The following CFTR variants were observed in gnomAD, a reference collection of about 807,000 sequenced individuals.
CFTR encodes cystic fibrosis transmembrane conductance regulator.
A neutral mutation model predicts 171.6 loss-of-function variants in CFTR; 181 were observed. That is an observed-to-expected ratio of 1.05 (90% CI 0.93 to 1.19). The LOEUF is 1.19. Among genes scored for constraint, CFTR ranks in the 50% most tolerant of loss-of-function variants. CFTR has a pLI of 0.00. For missense variants in CFTR, 1,968 were observed against 1,734.7 expected, an observed-to-expected ratio of 1.13 and a Z score of -2.39; for synonymous variants, 583 against 608.0, an observed-to-expected ratio of 0.96 and a Z score of 0.60.
chr7:117,540,756 CAG>C (rs1336410956), intron 8 of CFTR, among the ~76,000 whole-genome samples: 1 of 151,988 alleles, frequency 6.6e-6, no homozygotes, highest in African/African-American at 2.4e-5. Context: ...GTCACTGTGA[CAG>C]AAATAAAAAT....
chr7:117,652,180 T>C (rs1221389148), intron 23 of CFTR, among the ~76,000 whole-genome samples: 1 of 152,138 alleles, frequency 6.6e-6, no homozygotes, highest in African/African-American at 2.4e-5. Context: ...TGTGCAATGC[T>C]CCATGCAGGG....
rs138634146 is a variant in CFTR, at chr7:117,592,447, G to A, written c.2280G>A (p.Thr760=). 3.1e-5 allele frequency: 50 copies of A among 1,595,112 alleles called. 1 individual carries two copies. In the South Asian group the frequency reaches 4.2e-4, roughly 13 times the overall value. The change falls in exon 14 of 27, where the codon ACG becomes ACA. Residue 760 remains threonine (T), a synonymous_variant. Transcript: ENST00000003084. ...TCAGCGTGATCAGCACTGGCCCCACGCTTCAGGCACGAAGGAGGCAGTCTG... is the reference window on the plus strand; with the variant it reads ...TCAGCGTGATCAGCACTGGCCCCACACTTCAGGCACGAAGGAGGCAGTCTG... ...PRISVISTGP[T]LQARRRQSVL...
Position 117,667,138 on chromosome 7 carries a change from T to A in CFTR, c.*30T>A. The A allele has an allele frequency of 6.2e-7, 1 of 1,601,000 alleles. No individual in the cohort carries two copies. Among genetic ancestry groups the A allele is most frequent in the Non-Finnish European group, 8.6e-7 (1 of 1,169,522 alleles). ...CAGCATAAATGTTGACATGGGACAT[T>A]TGCTCATGGAATTGGAGCTCGTGGG... On this transcript the variant is annotated 3_prime_UTR_variant, in exon 27 of 27. Coordinates refer to ENST00000003084, the MANE Select transcript of CFTR (RefSeq NM_000492.4).
rs71314621 is a variant in CFTR, at chr7:117,566,248, AACACAC to A, written c.1584+6626_1584+6631del. ...CAGGAGTTCAAGACCAGCCTACTAA[AACACAC>A]ACACACACACACACACACACACACA... On this transcript the variant is annotated intron_variant, in intron 11 of 26. Coordinates refer to ENST00000003084, the MANE Select transcript of CFTR (RefSeq NM_000492.4). 6.8e-3 allele frequency among the ~76,000 whole-genome samples: 938 copies of A among 138,870 alleles called. 9 individuals are homozygous for A. Among genetic ancestry groups the A allele is most frequent in the African/African-American group, 0.023 (848 of 36,912 alleles). 91.1% of individuals were successfully genotyped at this position (138,870 alleles called of 152,430 possible). A position where few individuals can be genotyped will look rare whatever the true frequency, so the allele number is the denominator to read the frequency against.
intron 9 of CFTR, among the ~76,000 whole-genome samples, chr7:117,548,333 G>GGGGTGTGTGTGTGT (rs1554382502): frequency 6.9e-6 from 1 of 144,080 alleles, no homozygotes; most frequent in African/African-American, 2.6e-5. Flanking sequence ...AGGAGAAGAG[G>GGGGTGTGTGTGTGT]GTGTGTGTGT....
chr7:117,537,791 G>A (rs1440350069), intron 7 of CFTR, among the ~76,000 whole-genome samples: 1 of 152,196 alleles, frequency 6.6e-6, no homozygotes, highest in African/African-American at 2.4e-5. Flanking sequence ...ACAAGTTCTT[G>A]GGGGAATTGT....
chr7:117,653,207 T>G (rs1361968996), intron 24 of CFTR, among the ~76,000 whole-genome samples: 1 of 152,210 alleles, frequency 6.6e-6, no homozygotes, highest in Non-Finnish European at 1.5e-5. Flanking sequence ...GTGCACAACT[T>G]CAAAATGGAG....
chr7:117,619,983 C>T (rs1450739426), intron 21 of CFTR, among the ~76,000 whole-genome samples: 1 of 152,154 alleles, frequency 6.6e-6, no homozygotes, highest in Non-Finnish European at 1.5e-5. Context: ...AAAGGGGAAC[C>T]TGGCTTTTCT....
chr7:117,590,434 T>G lies in CFTR; in HGVS notation c.1761T>G (p.Phe587Leu). The change falls in exon 13 of 27, where the codon TTT becomes TTG. Residue 587 changes from phenylalanine to leucine, a missense_variant. Phe to Leu is a conservative substitution (Grantham distance 22). Transcript: ENST00000003084. ...ATGTTTTAACAGAAAAAGAAATATT[T>G]GAAAGGTATGTTCTTTGAATACCTT... ...YLDVLTEKEI[F>L]ESCVCKLMAN... 2 of 1,601,138 alleles carry G rather than the reference T, an allele frequency of 1.2e-6. No individual in the cohort carries two copies. Among genetic ancestry groups the G allele is most frequent in the Admixed American group, 1.7e-5 (1 of 59,600 alleles).
intron 10 of CFTR, among the ~76,000 whole-genome samples, chr7:117,551,157 G>T (rs1799263217): frequency 1.3e-5 from 2 of 152,128 alleles, no homozygotes; most frequent in Non-Finnish European, 2.9e-5. Flanking sequence ...CCAAAAATTG[G>T]GTGGGGGAGC....
chr7:117,633,973 T>A (rs769165342), intron 22 of CFTR, among the ~76,000 whole-genome samples: 6 of 152,132 alleles, frequency 3.9e-5, no homozygotes, highest in African/African-American at 4.8e-5. Flanking sequence ...GACATCTTTA[T>A]CTGCTTATGG....
At position 117,501,792 on chromosome 7, in the gene CFTR, A is replaced by C. The variant is rs199765577; in HGVS notation, c.54-2461A>C. Among the ~76,000 whole-genome samples, 13 of 149,932 alleles carry C rather than the reference A, an allele frequency of 8.7e-5. No individual in the cohort carries two copies. In the East Asian group the frequency reaches 2.4e-3, roughly 27 times the overall value. On this transcript the variant is annotated intron_variant, in intron 1 of 26. Transcript: ENST00000003084. ...AAAAAGAAACAAAAAAAAAAAAAAA[A>C]CAAAAAGCAAACAAACAAAAAAACA... is the stretch of plus-strand genomic sequence containing the variant.
chr7:117,598,164 T>C (rs1792166500), intron 15 of CFTR, among the ~76,000 whole-genome samples: 1 of 152,216 alleles, frequency 6.6e-6, no homozygotes, highest in Admixed American at 6.5e-5. Flanking sequence ...TATTTTAAAA[T>C]ACGGGTAGTT....
intron 11 of CFTR, among the ~76,000 whole-genome samples, chr7:117,578,559 T>A (rs1308025659): frequency 6.6e-6 from 1 of 152,072 alleles, no homozygotes; most frequent in African/African-American, 2.4e-5. Flanking sequence ...CCAACCCTCA[T>A]GTTGTCCAAG....
At chr7:117,600,364 T>G (rs1792205683) in intron 15 of CFTR, among the ~76,000 whole-genome samples, 1 of 152,068 alleles carries the variant, frequency 6.6e-6, no homozygotes. Context: ...AATAATACAT[T>G]AGGAAGCAGT....
rs546343983 is a variant in CFTR at position 117,538,874 on chromosome 7, C to T, written c.870-1226C>T. On this transcript the variant is annotated intron_variant, in intron 7 of 26. Transcript: ENST00000003084. ...GACCTAAATAGACGGAATTGCAATC[C>T]GGGTTGGGCACATTAAACTCCATTT... 6.6e-5 allele frequency among the ~76,000 whole-genome samples: 10 copies of T among 152,284 alleles called. No individual in the cohort carries two copies. The East Asian group carries it at 7.7e-4, about 12-fold the overall frequency.
chr7:117,566,250 C>A (rs749187605), intron 11 of CFTR, among the ~76,000 whole-genome samples: 5 of 97,700 alleles, frequency 5.1e-5, no homozygotes, highest in Non-Finnish European at 8.8e-5. Context: ...CCTACTAAAA[C>A]ACACACACAC....
At chr7:117,552,381 T>C (rs1799287436) in intron 10 of CFTR, among the ~76,000 whole-genome samples, 1 of 152,176 alleles carries the variant, frequency 6.6e-6, no homozygotes, top group Non-Finnish European at 1.5e-5. Context: ...AAATATCACT[T>C]CTAGGTTTAA....
intron 23 of CFTR, among the ~76,000 whole-genome samples, chr7:117,647,714 T>G (rs1793015787): frequency 6.6e-6 from 1 of 151,058 alleles, no homozygotes; most frequent in Non-Finnish European, 1.5e-5. Flanking sequence ...TAAGACATGG[T>G]CTTACTATGT....
Sources: gnomAD v4.1 joint callset for allele counts (sites outside exome capture counted in the v4.1 genomes callset) on GRCh38, gnomAD v4.1.1 for gene constraint, MANE v1.5 for transcripts, NCBI Gene and HGNC (gene_info 2026-07-23, HGNC 2026-07-21) for gene names.